SLC44A5: variants seen among roughly 807,000 people sequenced by gnomAD.
SLC44A5 encodes choline transporter-like protein 5.
Under a neutral mutation model 101.8 loss-of-function variants are expected in SLC44A5, and 57 were observed. The observed-to-expected ratio is 0.56, with a 90% CI of 0.45 to 0.70. The LOEUF (loss-of-function observed/expected upper bound fraction) is 0.70. Ranked by LOEUF, SLC44A5 falls within the 30% of genes least tolerant of loss-of-function variation. SLC44A5 has a pLI of 0.00. For missense variants in SLC44A5, 737 were observed against 853.1 expected (o/e 0.86, Z 1.70); for synonymous variants, 281 against 290.9 (o/e 0.97, Z 0.35).
chr1:75,639,720 G>A, the SLC44A5 span, among the ~76,000 whole-genome samples: 31 of 152,164 alleles, frequency 2.0e-4, no homozygotes, highest in Middle Eastern at 3.4e-3. Flanking sequence ...ATTAATGTTG[G>A]GAAATTGTTT....
At chr1:75,418,596 A>T (rs1039051045) in intron 2 of SLC44A5, among the ~76,000 whole-genome samples, 5 of 152,128 alleles carry the variant, frequency 3.3e-5, no homozygotes, top group Admixed American at 1.3e-4. Context: ...CTGAGGAATA[A>T]AAGGATTTAG....
chr1:75,439,245 C>T (rs574114095), intron 2 of SLC44A5, among the ~76,000 whole-genome samples: 121 of 152,240 alleles, frequency 7.9e-4, no homozygotes, highest in African/African-American at 2.8e-3. Flanking sequence ...CAAGAAGGCA[C>T]TTGCCAGATG....
chr1:75,384,306 A>G (rs1337699056), intron 3 of SLC44A5, among the ~76,000 whole-genome samples: 6 of 151,100 alleles, frequency 4.0e-5, no homozygotes, highest in Non-Finnish European at 7.4e-5. Context: ...TGTATTCAGG[A>G]AACCCATCTC....
At chr1:75,324,081 A>C (rs577415967) in intron 4 of SLC44A5, among the ~76,000 whole-genome samples, 1 of 152,358 alleles carries the variant, frequency 6.6e-6, no homozygotes, top group South Asian at 2.1e-4. Flanking sequence ...AAGACAATAC[A>C]TTTATTTAGT....
the SLC44A5 span, among the ~76,000 whole-genome samples, chr1:75,621,747 A>C: frequency 2.0e-5 from 3 of 152,158 alleles, no homozygotes; most frequent in African/African-American, 7.2e-5. Flanking sequence ...TTACACACAA[A>C]AAAATCATAA....
chr1:75,478,106 T>G (rs1013347888), intron 2 of SLC44A5, among the ~76,000 whole-genome samples: 2 of 152,188 alleles, frequency 1.3e-5, no homozygotes, highest in Non-Finnish European at 2.9e-5. Flanking sequence ...TTCAACATTC[T>G]TAAAGAAAAG....
At chr1:75,678,660 GA>G in the SLC44A5 span, among the ~76,000 whole-genome samples, 4,635 of 150,710 alleles carry the variant, frequency 0.031, 235 homozygotes, top group African/African-American at 0.11. Flanking sequence ...CAAAGATGGG[GA>G]AAAAACAGAA....
At chr1:75,232,446 C>CT (rs925183669) in intron 12 of SLC44A5, among the ~76,000 whole-genome samples, 162 of 149,504 alleles carry the variant, frequency 1.1e-3, no homozygotes, top group African/African-American at 2.5e-3. Flanking sequence ...GTTTAAACAA[C>CT]TTTTTTTTTT....
chr1:75,252,828 C>T (rs1030897794), intron 6 of SLC44A5, among the ~76,000 whole-genome samples: 6 of 152,218 alleles, frequency 3.9e-5, no homozygotes, highest in South Asian at 4.2e-4. Context: ...AGTCAATAAA[C>T]GGACTTGAGC....
chr1:75,407,158 T>G (rs1235182564), intron 2 of SLC44A5, among the ~76,000 whole-genome samples: 1 of 152,092 alleles, frequency 6.6e-6, no homozygotes, highest in Non-Finnish European at 1.5e-5. Flanking sequence ...ACAAAGGATG[T>G]GAAGGACCTC....
chr1:75,531,661 C>T (rs1205035646), intron 2 of SLC44A5, among the ~76,000 whole-genome samples: 2 of 152,146 alleles, frequency 1.3e-5, no homozygotes, highest in Non-Finnish European at 2.9e-5. Context: ...AGGGACCTGG[C>T]AATGGGAAAA....
At chr1:75,302,388 G>T (rs745560006) in intron 4 of SLC44A5, among the ~76,000 whole-genome samples, 1 of 152,038 alleles carries the variant, frequency 6.6e-6, no homozygotes, top group Non-Finnish European at 1.5e-5. Flanking sequence ...CAGGAAGCTG[G>T]AGAGAGGGAT....
intron 2 of SLC44A5, among the ~76,000 whole-genome samples, chr1:75,423,160 T>C (rs1664113233): frequency 6.6e-6 from 1 of 152,188 alleles, no homozygotes; most frequent in Non-Finnish European, 1.5e-5. Context: ...CAGAAAGCTA[T>C]AGTACTCTCT....
At chr1:75,676,168 C>A in the SLC44A5 span, among the ~76,000 whole-genome samples, 2 of 152,172 alleles carry the variant, frequency 1.3e-5, no homozygotes, top group African/African-American at 4.8e-5. Flanking sequence ...ACTGGAAATA[C>A]CGTTTGATGC....
chr1:75,659,278 T>A, the SLC44A5 span, among the ~76,000 whole-genome samples: 1 of 107,134 alleles, frequency 9.3e-6, no homozygotes, highest in Admixed American at 1.1e-4. Context: ...TACTCTCATA[T>A]CAAAACCAAA....
chr1:75,413,339 T>C (rs937372968), intron 2 of SLC44A5, among the ~76,000 whole-genome samples: 17 of 152,220 alleles, frequency 1.1e-4, no homozygotes, highest in Middle Eastern at 3.4e-3. Context: ...AACAAGCATA[T>C]TTTAGAGTTT....
intron 2 of SLC44A5, among the ~76,000 whole-genome samples, chr1:75,489,549 A>T (rs2101805790): frequency 6.6e-6 from 1 of 152,340 alleles, no homozygotes; most frequent in South Asian, 2.1e-4. Flanking sequence ...AAAAAATCAG[A>T]AGCAGCACTA....
the SLC44A5 span, among the ~76,000 whole-genome samples, chr1:75,653,377 G>A: frequency 8.5e-5 from 13 of 152,246 alleles, no homozygotes; most frequent in South Asian, 2.7e-3. Flanking sequence ...AGCTACTCGG[G>A]AGGCTGATGC....
At chr1:75,436,185 A>G (rs1406047705) in intron 2 of SLC44A5, among the ~76,000 whole-genome samples, 2 of 152,070 alleles carry the variant, frequency 1.3e-5, no homozygotes, top group Admixed American at 6.6e-5. Flanking sequence ...CATCTAAATT[A>G]TGTGTGTGTG....
Sources: allele counts gnomAD v4.1 joint callset (sites outside exome capture counted in the v4.1 genomes callset), GRCh38; gene constraint gnomAD v4.1.1; transcripts MANE v1.5; gene names NCBI Gene and HGNC (gene_info 2026-07-23, HGNC 2026-07-21).